MAGI2: variants seen among roughly 807,000 people sequenced by gnomAD.
MAGI2 encodes membrane associated guanylate kinase, WW and PDZ domain containing 2, also known as membrane-associated guanylate kinase, WW and PDZ domain-containing protein 2.
Under a neutral mutation model 133.3 loss-of-function variants are expected in MAGI2, and 35 were observed. That is an observed-to-expected ratio of 0.26 (90% CI 0.20 to 0.35). The LOEUF is 0.35. Among genes scored for constraint, MAGI2 ranks in the 10% least tolerant of loss-of-function variants. The pLI is 1.00. For missense variants in MAGI2, 1,636 were observed against 1,863.4 expected, an observed-to-expected ratio of 0.88 and a Z score of 2.25; for synonymous variants, 729 against 710.6, an observed-to-expected ratio of 1.03 and a Z score of -0.41.
chr7:78,847,589 A>G (rs188996951), intron 2 of MAGI2, among the ~76,000 whole-genome samples: 44 of 152,166 alleles, frequency 2.9e-4, no homozygotes, highest in African/African-American at 1.0e-3. Flanking sequence ...TCGAGGTACA[A>G]CCATGAAATT....
rs192470426 is a variant in MAGI2, at chr7:78,190,144, T to C, written c.2270-4474A>G. 5.3e-5 allele frequency among the ~76,000 whole-genome samples: 8 copies of C among 152,334 alleles called. No individual in the cohort carries two copies. The East Asian group carries it at 1.3e-3, about 26-fold the overall frequency. On this transcript the variant is annotated intron_variant, in intron 12 of 21. Transcript: ENST00000354212. ...AAGACTCCATGGCATAGTACTTAAA[T>C]GTGGGAAACCTTACTACCTATTTTT... is the stretch of plus-strand genomic sequence containing the variant.
At chr7:78,632,571 A>T (rs2150967786) in intron 2 of MAGI2, among the ~76,000 whole-genome samples, 1 of 152,370 alleles carries the variant, frequency 6.6e-6, no homozygotes, top group East Asian at 1.9e-4. Context: ...CTTATTTCAC[A>T]TATTGCTTGG....
intron 1 of MAGI2, among the ~76,000 whole-genome samples, chr7:79,087,267 G>C (rs1816598615): frequency 6.6e-6 from 1 of 151,834 alleles, no homozygotes; most frequent in Non-Finnish European, 1.5e-5. Flanking sequence ...GTCAAATTCT[G>C]AGACATCCTT....
chr7:79,180,264 G>A (rs2129550277), intron 1 of MAGI2, among the ~76,000 whole-genome samples: 1 of 152,084 alleles, frequency 6.6e-6, no homozygotes, highest in Non-Finnish European at 1.5e-5. Context: ...AATAACAGAT[G>A]TTGTTGAGAG....
intron 2 of MAGI2, among the ~76,000 whole-genome samples, chr7:78,746,605 G>A (rs1004713582): frequency 6.6e-6 from 1 of 152,178 alleles, no homozygotes; most frequent in African/African-American, 2.4e-5. Context: ...AGTGCTTCAT[G>A]GGCAGAACTG....
chr7:78,374,356 T>C (rs1351617681), intron 6 of MAGI2, among the ~76,000 whole-genome samples: 1 of 152,152 alleles, frequency 6.6e-6, no homozygotes, highest in East Asian at 1.9e-4. Flanking sequence ...CACTTGTATG[T>C]CTTCTTTTGT....
chr7:79,287,550 G>T (rs1836110968), intron 1 of MAGI2, among the ~76,000 whole-genome samples: 1 of 152,100 alleles, frequency 6.6e-6, no homozygotes, highest in Non-Finnish European at 1.5e-5. Context: ...GGATAGATTT[G>T]AATTTGAATA....
Position 78,287,754 on chromosome 7 carries a change from T to G in MAGI2, c.1409-31173A>C, listed in dbSNP as rs541917487. On this transcript the variant is annotated intron_variant, in intron 9 of 21. Transcript: ENST00000354212. ...TTAGGCTAGAATAGTAATTTTAGTT[T>G]CATAGCAATCATTTAAAAGTGTTTT... 5.4e-4 allele frequency among the ~76,000 whole-genome samples: 82 copies of G among 152,326 alleles called. 1 individual carries two copies. The highest frequency in any genetic ancestry group is 1.9e-3 in the African/African-American group (78 of 41,590).
At chr7:78,734,296 A>T (rs995084292) in intron 2 of MAGI2, among the ~76,000 whole-genome samples, 1 of 152,178 alleles carries the variant, frequency 6.6e-6, no homozygotes, top group African/African-American at 2.4e-5. Context: ...ATAGGTAGAA[A>T]CTAGAATATA....
chr7:78,631,822 A>G (rs1022807423), intron 2 of MAGI2, among the ~76,000 whole-genome samples: 3 of 152,182 alleles, frequency 2.0e-5, no homozygotes, highest in Admixed American at 1.3e-4. Context: ...AAAATGTATG[A>G]TATTTTGAAA....
At chr7:78,664,063 T>G (rs10229284) in intron 2 of MAGI2, among the ~76,000 whole-genome samples, 4,193 of 152,286 alleles carry the variant, frequency 0.028, 200 homozygotes, top group African/African-American at 0.096. Context: ...CTGTAGCAAC[T>G]GGAGAACAAA....
rs570847365 is a variant in MAGI2, at chr7:78,126,843, C to T, written c.3423+354G>A. On this transcript the variant is annotated intron_variant, in intron 19 of 21. Coordinates refer to ENST00000354212, the MANE Select transcript of MAGI2 (RefSeq NM_012301.4). ...CTGCTAGCATCTATAAAATTTTCTG[C>T]ATTAGCAGCACTCTCAGAGGTCCCA... Among the ~76,000 whole-genome samples the T allele has an allele frequency of 2.6e-5, 4 of 152,326 alleles. No homozygotes were observed. In the South Asian group the frequency reaches 8.3e-4, roughly 32 times the overall value.
chr7:79,093,642 G>C (rs1230117749), intron 1 of MAGI2, among the ~76,000 whole-genome samples: 1 of 151,518 alleles, frequency 6.6e-6, no homozygotes, highest in Non-Finnish European at 1.5e-5. Flanking sequence ...GGTGGTGGTT[G>C]CTCAAGGTTT....
intron 9 of MAGI2, among the ~76,000 whole-genome samples, chr7:78,279,666 CCT>C (rs1214710886): frequency 1.3e-5 from 2 of 151,930 alleles, no homozygotes; most frequent in African/African-American, 4.8e-5. Context: ...TGTTCAGATC[CCT>C]CTGAGTGGGG....
At chr7:79,342,929 T>C (rs1404737196) in intron 1 of MAGI2, among the ~76,000 whole-genome samples, 2 of 151,848 alleles carry the variant, frequency 1.3e-5, no homozygotes, top group African/African-American at 4.8e-5. Context: ...CTGGCTATTT[T>C]TTTGTATTGT....
intron 2 of MAGI2, among the ~76,000 whole-genome samples, chr7:78,659,310 G>T (rs906949541): frequency 6.6e-6 from 1 of 150,826 alleles, no homozygotes; most frequent in Non-Finnish European, 1.5e-5. Flanking sequence ...TTTTAGCTGG[G>T]TGTGGTGGTG....
chr7:78,672,701 G>T (rs561051101), intron 2 of MAGI2, among the ~76,000 whole-genome samples: 1 of 152,278 alleles, frequency 6.6e-6, no homozygotes, highest in African/African-American at 2.4e-5. Context: ...TTTTATCCAG[G>T]AATTTGTTGG....
chr7:78,662,797 A>G (rs1813118371), intron 2 of MAGI2, among the ~76,000 whole-genome samples: 1 of 152,156 alleles, frequency 6.6e-6, no homozygotes, highest in Non-Finnish European at 1.5e-5. Flanking sequence ...ACACATGTGA[A>G]ATGCATTTGT....
intron 1 of MAGI2, among the ~76,000 whole-genome samples, chr7:79,221,006 G>C (rs1830409447): frequency 6.6e-6 from 1 of 152,002 alleles, no homozygotes; most frequent in East Asian, 1.9e-4. Context: ...GTGGTGTGTA[G>C]TATGAAAAAC....
Sources: allele counts gnomAD v4.1 joint callset (sites outside exome capture counted in the v4.1 genomes callset), GRCh38; gene constraint gnomAD v4.1.1; transcripts MANE v1.5; gene names NCBI Gene and HGNC (gene_info 2026-07-23, HGNC 2026-07-21).